WAPL: variants seen among roughly 807,000 people sequenced by gnomAD.
WAPL encodes the protein wings apart-like protein homolog.
Under a neutral mutation model 121.0 loss-of-function variants are expected in WAPL, and 5 were observed. The observed-to-expected ratio is 0.04, with a 90% CI of 0.02 to 0.09. WAPL has a LOEUF of 0.09. Ranked by LOEUF, WAPL falls within the 10% of genes least tolerant of loss-of-function variation. The pLI, the probability that WAPL is intolerant of heterozygous loss-of-function variation, is 1.00. For missense variants in WAPL, 999 were observed against 1,410.8 expected (o/e 0.71, Z 4.68); for synonymous variants, 480 against 481.5 (o/e 1.00, Z 0.04).
chr10:86,514,423 A>C (rs1842518796), intron 2 of WAPL, among the ~76,000 whole-genome samples: 1 of 152,340 alleles, frequency 6.6e-6, no homozygotes, highest in South Asian at 2.1e-4. Context: ...TGGATGACCA[A>C]GGGAGAGGAG....
intron 1 of WAPL, 70 bp from the exon 2 acceptor site, chr10:86,518,161 A>T (rs1484272836): frequency 3.5e-6 from 5 of 1,420,550 alleles, no homozygotes; most frequent in Non-Finnish European, 4.7e-6. Flanking sequence ...ATAAAAATAA[A>T]AACCTAGGGA....
At chr10:86,445,995 G>A (rs561157619) in intron 16 of WAPL, among the ~76,000 whole-genome samples, 2 of 152,188 alleles carry the variant, frequency 1.3e-5, no homozygotes, top group East Asian at 3.9e-4. Context: ...GGAAAGGAGG[G>A]CCCCGGAAGG....
chr10:86,450,532 G>A (rs1357277533), intron 15 of WAPL, among the ~76,000 whole-genome samples: 2 of 152,084 alleles, frequency 1.3e-5, no homozygotes, highest in Admixed American at 6.6e-5. Flanking sequence ...TACCTTGCCC[G>A]GCCAAGAAAT....
chr10:86,521,468 G>A lies in WAPL; in HGVS notation c.-126C>T, dbSNP rs897620319. On this transcript the variant is annotated 5_prime_UTR_variant, in exon 1 of 19. Coordinates refer to ENST00000298767, the MANE Select transcript of WAPL (RefSeq NM_015045.5). The stretch of plus-strand genomic sequence containing the variant: ...ACCCTCGCGCGGGAGAGCAGGGCCG[G>A]CAGGTGAGAGCCGAGAGAGGCGAGG... The A allele has an allele frequency of 4.9e-5, 16 of 323,304 alleles. No individual in the cohort carries two copies. Among genetic ancestry groups the A allele is most frequent in the South Asian group, 3.8e-4 (16 of 42,484 alleles). 20.0% of individuals were successfully genotyped at this position (323,304 alleles called of 1,614,324 possible). A position where few individuals can be genotyped will look rare whatever the true frequency, so the allele number is the denominator to read the frequency against.
chr10:86,495,264 C>T (rs1259454812), intron 4 of WAPL, among the ~76,000 whole-genome samples: 1 of 152,118 alleles, frequency 6.6e-6, no homozygotes, highest in Non-Finnish European at 1.5e-5. Flanking sequence ...CCTAGGAGTT[C>T]AAGACCAGCA....
rs1385016082 is a variant in WAPL at position 86,472,238 on chromosome 10, C to T, written c.2000G>A (p.Ser667Asn). 2.5e-6 allele frequency: 4 copies of T among 1,583,808 alleles called. No individual in the cohort carries two copies. The highest frequency in any genetic ancestry group is 1.2e-5 in the South Asian group (1 of 84,666). Residue 667 changes from serine (S) to asparagine (N), a missense_variant, in exon 7 of 19, where the codon AGC (serine) becomes AAC (asparagine). Ser to Asn is a conservative substitution (Grantham distance 46). Around this residue, in one of 7 missense-constraint regions of WAPL, gnomAD observed 118 missense variants for 318.3 expected, o/e 0.37. Coordinates refer to ENST00000298767, the MANE Select transcript of WAPL (RefSeq NM_015045.5). This position sits in a 1 kb window ranked among gnomAD's most constrained non-coding sequence, Gnocchi z 4.2. Reference sequence around the variant, plus strand: ...GCAACGTGTGTTTAGAGGCTGAGTGCTCTTTAAGCCACTTAACAAGTACTC... The same window carrying T: ...GCAACGTGTGTTTAGAGGCTGAGTGTTCTTTAAGCCACTTAACAAGTACTC... The part of the protein sequence containing the change: ...DIEYLLSGLK[S>N]TQPLNTRCLS...
rs1264168497 is a variant in WAPL at position 86,521,723 on chromosome 10, T to C, written c.-381A>G. ...CAGTGCTGGAGTTTGAACAGGGCCC[T>C]GAACCATCTCAACGCCATTTGCGCT... On this transcript the variant is annotated 5_prime_UTR_variant, in exon 1 of 19. Coordinates refer to ENST00000298767, the MANE Select transcript of WAPL (RefSeq NM_015045.5). 6.6e-6 allele frequency: 3 copies of C among 456,780 alleles called. No individual in the cohort carries two copies. Among genetic ancestry groups the C allele is most frequent in the Non-Finnish European group, 1.4e-5 (3 of 221,514 alleles). 28.3% of individuals were successfully genotyped at this position (456,780 alleles called of 1,614,324 possible). A position where few individuals can be genotyped will look rare whatever the true frequency, so the allele number is the denominator to read the frequency against.
At chr10:86,504,940 A>C (rs1321889082) in intron 2 of WAPL, among the ~76,000 whole-genome samples, 1 of 152,220 alleles carries the variant, frequency 6.6e-6, no homozygotes, top group East Asian at 1.9e-4. Context: ...AACTGAAAAA[A>C]GCCCACTCAT....
In WAPL at chr10:86,472,532, T is replaced by C. The variant is rs1023367307; in HGVS notation, c.1893+80A>G. On this transcript the variant is annotated intron_variant, in intron 6 of 18. Coordinates refer to ENST00000298767, the MANE Select transcript of WAPL (RefSeq NM_015045.5). This position sits in a 1 kb window ranked among gnomAD's most constrained non-coding sequence, Gnocchi z 4.2. Reference sequence around the variant, plus strand: ...AAAACTGAGTATCAGTATACTGATATTTGTTGAAGATATTAAATGGCTAAA... The same window carrying C: ...AAAACTGAGTATCAGTATACTGATACTTGTTGAAGATATTAAATGGCTAAA... 1.3e-6 allele frequency: 2 copies of C among 1,562,572 alleles called. No individual in the cohort carries two copies. The highest frequency in any genetic ancestry group is 1.9e-5 in the Admixed American group (1 of 52,060).
At chr10:86,505,181 ATTTTTTTATGT>A (rs1842322241) in intron 2 of WAPL, among the ~76,000 whole-genome samples, 1 of 43,556 alleles carries the variant, frequency 2.3e-5, no homozygotes, top group East Asian at 3.1e-4. Flanking sequence ...TAGAGACAGG[ATTTTTTTATGT>A]TTTTTTTATG....
At chr10:86,491,832 CAAT>C (rs149386507) in intron 4 of WAPL, among the ~76,000 whole-genome samples, 10,139 of 152,050 alleles carry the variant, frequency 0.067, 631 homozygotes, top group East Asian at 0.38. Context: ...TTAATACACA[CAAT>C]GATTACTGCA....
At chr10:86,479,682 T>G (rs10736338) in intron 4 of WAPL, among the ~76,000 whole-genome samples, 2 of 152,252 alleles carry the variant, frequency 1.3e-5, no homozygotes, top group African/African-American at 4.8e-5. Flanking sequence ...TCCAGCTTTA[T>G]CCACCCAAGG....
At chr10:86,495,645 GCA>G (rs1842134902) in intron 4 of WAPL, among the ~76,000 whole-genome samples, 2 of 152,082 alleles carry the variant, frequency 1.3e-5, no homozygotes. Context: ...GACACCAAAA[GCA>G]CAGACAACAG....
intron 8 of WAPL, among the ~76,000 whole-genome samples, chr10:86,468,490 G>A (rs961046687): frequency 2.6e-5 from 4 of 151,492 alleles, no homozygotes; most frequent in Admixed American, 6.6e-5. Flanking sequence ...GAGCCACCAC[G>A]CCCAGCCTAT....
In WAPL at chr10:86,521,365, C is replaced by G. The variant is rs1459918943; in HGVS notation, c.-23G>C. 1 of 282,860 alleles carries G rather than the reference C, an allele frequency of 3.5e-6. No individual in the cohort carries two copies. The highest frequency in any genetic ancestry group is 7.0e-6 in the Non-Finnish European group (1 of 142,840). The allele number at this position is 282,860 out of a possible 1,614,324, so 17.5% of individuals were successfully genotyped here. A position where few individuals can be genotyped will look rare whatever the true frequency, so the allele number is the denominator to read the frequency against. ...GGCGGCCGCCCGACACCTCACTTAC[C>G]CTCGGAGCCTGGCGGGTGCTTTGGC... On this transcript the variant is annotated splice_region_variant and 5_prime_UTR_variant, in exon 1 of 19. Transcript: ENST00000298767.
At chr10:86,446,884 C>T (rs1849634587) in intron 15 of WAPL, among the ~76,000 whole-genome samples, 1 of 152,096 alleles carries the variant, frequency 6.6e-6, no homozygotes, top group African/African-American at 2.4e-5. Context: ...GAAAGAATTG[C>T]CTGAAAATCA....
chr10:86,461,077 T>C (rs748099891), intron 10 of WAPL, 99 bp downstream of exon 10: 27 of 976,608 alleles, frequency 2.8e-5, no homozygotes, highest in Non-Finnish European at 3.9e-5. Context: ...ATAATAGACA[T>C]TTCCAAACTG....
chr10:86,437,465 A>G lies in WAPL; in HGVS notation c.*78T>C, dbSNP rs146954953. ...GAATGTTCTTGGTATATCTTCAAGG[A>G]CTTCTTTCATGACTTGACTTTTCTT... On this transcript the variant is annotated 3_prime_UTR_variant, in exon 19 of 19. Coordinates refer to ENST00000298767, the MANE Select transcript of WAPL (RefSeq NM_015045.5). 332 of 1,456,902 alleles carry G rather than the reference A, an allele frequency of 2.3e-4. 1 individual carries two copies. The African/African-American group carries it at 4.0e-3, about 17-fold the overall frequency. The allele number at this position is 1,456,902 out of a possible 1,614,324, so 90.2% of individuals were successfully genotyped here. A position where few individuals can be genotyped will look rare whatever the true frequency, so the allele number is the denominator to read the frequency against.
At chr10:86,467,041 A>G (rs2132187707) in intron 9 of WAPL, 1 of 452,434 alleles carries the variant, frequency 2.2e-6, no homozygotes, top group Non-Finnish European at 4.0e-6. Context: ...GGATTAGACA[A>G]AATGCAACAG....
Sources: gnomAD v4.1 joint callset for allele counts (sites outside exome capture counted in the v4.1 genomes callset) on GRCh38, gnomAD v4.1.1 for gene constraint, gnomAD v4.1.1 regional missense constraint, Gnocchi (gnomAD v3.1) non-coding constraint, MANE v1.5 for transcripts, NCBI Gene and HGNC (gene_info 2026-07-23, HGNC 2026-07-21) for gene names.